The following STX2 variants were observed in gnomAD, a reference collection of about 807,000 sequenced individuals.
STX2 encodes the protein syntaxin 2, also known as syntaxin-2.
Under a neutral mutation model 40.6 loss-of-function variants are expected in STX2, and 27 were observed. The observed-to-expected ratio is 0.66, with a 90% CI of 0.49 to 0.92. The LOEUF (loss-of-function observed/expected upper bound fraction) is 0.92. STX2 is among the 40% of genes least tolerant of loss of function. The pLI, the probability that STX2 is intolerant of heterozygous loss-of-function variation, is 0.00. For synonymous variants in STX2, 123 were observed against 119.1 expected, an observed-to-expected ratio of 1.03 and a Z score of -0.22; for missense variants, 328 against 366.1, an observed-to-expected ratio of 0.90 and a Z score of 0.85.
intron 3 of STX2, among the ~76,000 whole-genome samples, chr12:130,817,890 AGAAG>A (rs34198049): frequency 0.56 from 84,670 of 151,216 alleles, 26,119 homozygotes; most frequent in East Asian, 0.87. Flanking sequence ...GAAGGAGGTA[AGAAG>A]GAAGGGGAGA....
chr12:130,811,794 C>A (rs907598841), intron 4 of STX2, among the ~76,000 whole-genome samples: 4 of 152,180 alleles, frequency 2.6e-5, no homozygotes, highest in African/African-American at 7.2e-5. Context: ...CCCGCCTCGG[C>A]CTCCCAAAGT....
intron 10 of STX2, among the ~76,000 whole-genome samples, chr12:130,794,680 T>C (rs752791009): frequency 2.6e-5 from 4 of 152,146 alleles, no homozygotes; most frequent in Admixed American, 1.3e-4. Flanking sequence ...TGGATTTTTT[T>C]TTTTCTGTAG....
chr12:130,806,160 C>G (rs1951424599), intron 6 of STX2, among the ~76,000 whole-genome samples: 1 of 152,200 alleles, frequency 6.6e-6, no homozygotes, highest in Non-Finnish European at 1.5e-5. Flanking sequence ...GGGACAAGGT[C>G]AAGCGGCCTG....
At position 130,804,249 on chromosome 12, in the gene STX2, G is replaced by A. The variant is rs572220157; in HGVS notation, c.463+2733C>T. 1.1e-4 allele frequency among the ~76,000 whole-genome samples: 16 copies of A among 152,310 alleles called. No homozygotes were observed. In the South Asian group the frequency reaches 1.2e-3, roughly 12 times the overall value. ...AAACCTGCCTGATGACAGGGCTGACGGAAGGAAGAAAGAAAGGGGACAAAA... is the reference window on the plus strand; with the variant it reads ...AAACCTGCCTGATGACAGGGCTGACAGAAGGAAGAAAGAAAGGGGACAAAA... On this transcript the variant is annotated intron_variant, in intron 6 of 10. Transcript: ENST00000392373.
intron 2 of STX2, among the ~76,000 whole-genome samples, 182 bp downstream of exon 2, chr12:130,827,011 A>C (rs1952339222): frequency 6.7e-6 from 1 of 150,328 alleles, no homozygotes; most frequent in Non-Finnish European, 1.5e-5. Context: ...TCTGTCTCCA[A>C]AAACAAGAAA....
chr12:130,830,222 C>CACCT (rs1952505453), intron 1 of STX2, among the ~76,000 whole-genome samples: 1 of 152,164 alleles, frequency 6.6e-6, no homozygotes, highest in Non-Finnish European at 1.5e-5. Context: ...GTGGAGGCTG[C>CACCT]ACCTGCAGCT....
chr12:130,813,531 G>A (rs1177878148), intron 3 of STX2, among the ~76,000 whole-genome samples: 1 of 152,226 alleles, frequency 6.6e-6, no homozygotes, highest in Non-Finnish European at 1.5e-5. Context: ...GGGCTGCTGG[G>A]CCGGTCGCCC....
At chr12:130,807,258 A>G (rs7136112) in intron 5 of STX2, among the ~76,000 whole-genome samples, 168 bp from the exon 6 acceptor site, 150,118 of 152,366 alleles carry the variant, frequency 0.99, 73,978 homozygotes, top group East Asian at 1. Context: ...AGAACTTTGC[A>G]TGCATGATCT....
In STX2 at chr12:130,826,436, A is replaced by G. The variant is rs543568066; in HGVS notation, c.105+757T>C. Among the ~76,000 whole-genome samples, 9 of 152,298 alleles carry G rather than the reference A, an allele frequency of 5.9e-5. No individual in the cohort carries two copies. In the East Asian group the frequency reaches 1.7e-3, roughly 29 times the overall value. On this transcript the variant is annotated intron_variant, in intron 2 of 10. Transcript: ENST00000392373. ...AGGCGGTGCTCCTGCAGCAGCCAGC[A>G]CCGGGTGGGAGAAGTGGCCGCCCAC...
chr12:130,825,066 C>T (rs1244169607), intron 2 of STX2, among the ~76,000 whole-genome samples: 1 of 150,356 alleles, frequency 6.7e-6, no homozygotes, highest in East Asian at 1.9e-4. Context: ...TTTTGTCGCC[C>T]AAGCTGTTGC....
intron 10 of STX2, among the ~76,000 whole-genome samples, chr12:130,795,603 G>T (rs1441219971): frequency 6.6e-6 from 1 of 152,160 alleles, no homozygotes; most frequent in African/African-American, 2.4e-5. Flanking sequence ...AGCCGAGTGT[G>T]CTGGTGCACG....
chr12:130,803,675 AAAAAAAAAAAAAAAC>A (rs1181088053), intron 6 of STX2, among the ~76,000 whole-genome samples: 27 of 108,542 alleles, frequency 2.5e-4, no homozygotes, highest in African/African-American at 8.8e-4. Context: ...TCAAAAAAAA[AAAAAAAAAAAAAAAC>A]AAACTAAAAG....
chr12:130,792,395 G>T (rs1950904025), intron 10 of STX2, among the ~76,000 whole-genome samples: 1 of 152,190 alleles, frequency 6.6e-6, no homozygotes, highest in Admixed American at 6.5e-5. Flanking sequence ...CTCCAGGATT[G>T]CTTTTAATTG....
chr12:130,836,871 T>C (rs528143654), intron 1 of STX2, among the ~76,000 whole-genome samples: 1 of 152,318 alleles, frequency 6.6e-6, no homozygotes, highest in East Asian at 1.9e-4. Flanking sequence ...TAAAGCAGGA[T>C]GGTATTGAAG....
intron 3 of STX2, among the ~76,000 whole-genome samples, chr12:130,814,986 C>T (rs1003033740): frequency 3.3e-5 from 5 of 152,162 alleles, no homozygotes; most frequent in African/African-American, 9.7e-5. Context: ...GTAGTCCCAG[C>T]TACTTCAGAG....
chr12:130,816,130 G>A (rs565248410), intron 3 of STX2, among the ~76,000 whole-genome samples: 19 of 152,254 alleles, frequency 1.2e-4, no homozygotes, highest in South Asian at 6.2e-4. Flanking sequence ...TGTAGGAGTC[G>A]AAGCTAAAAC....
At chr12:130,826,525 C>A (rs1043372320) in intron 2 of STX2, among the ~76,000 whole-genome samples, 1 of 152,230 alleles carries the variant, frequency 6.6e-6, no homozygotes, top group Non-Finnish European at 1.5e-5. Flanking sequence ...GCTCCACCAT[C>A]CACACCCAGT....
intron 3 of STX2, among the ~76,000 whole-genome samples, chr12:130,818,185 A>AAAAAAAAATAT: frequency 1.8e-4 from 13 of 70,538 alleles, no homozygotes; most frequent in Admixed American, 6.4e-4. Context: ...AAAAAAAAAA[A>AAAAAAAAATAT]ATATATATAT....
intron 4 of STX2, chr12:130,812,454 A>G (rs757059267): frequency 1.2e-4 from 51 of 412,202 alleles, no homozygotes; most frequent in Admixed American, 1.6e-4. Context: ...CTGCCGTAAT[A>G]AAAGTATTTT....
Sources: gnomAD v4.1 joint callset for allele counts (sites outside exome capture counted in the v4.1 genomes callset) on GRCh38, gnomAD v4.1.1 for gene constraint, MANE v1.5 for transcripts, NCBI Gene and HGNC (gene_info 2026-07-23, HGNC 2026-07-21) for gene names.